TRMO: variants seen among roughly 807,000 people sequenced by gnomAD.
TRMO encodes the protein tRNA methyltransferase O, also known as tRNA (adenine(37)-N6)-methyltransferase.
In TRMO, 30 loss-of-function variants were observed where a neutral mutation model predicts 37.2. The ratio of observed to expected loss-of-function variants is 0.81; its 90% CI spans 0.60 to 1.09. The LOEUF (loss-of-function observed/expected upper bound fraction) is 1.09. Among genes scored for constraint, TRMO ranks in the 50% least tolerant of loss-of-function variants. The pLI is 0.00. For synonymous variants in TRMO, 239 were observed against 199.4 expected, an observed-to-expected ratio of 1.20 and a Z score of -1.67; for missense variants, 552 against 549.5, an observed-to-expected ratio of 1.00 and a Z score of -0.05.
intron 1 of TRMO, among the ~76,000 whole-genome samples, 153 bp downstream of exon 1, chr9:97,922,265 G>C (rs550386343): frequency 6.6e-6 from 1 of 152,318 alleles, no homozygotes; most frequent in East Asian, 1.9e-4. Context: ...ACATCACGTG[G>C]TCTCCGCAGC....
intron 3 of TRMO, chr9:97,910,930 G>A (rs1826095489): frequency 3.7e-6 from 2 of 540,912 alleles, no homozygotes; most frequent in South Asian, 1.5e-5. Flanking sequence ...CTGCTAGAGC[G>A]CTTTCCCCAC....
At position 97,910,602 on chromosome 9, in the gene TRMO, G is replaced by A. The variant is rs765808100; in HGVS notation, c.424C>T (p.Leu142Phe). Residue 142 changes from leucine (L) to phenylalanine (F), a missense_variant, in exon 4 of 5, where the codon CTT becomes TTT. Coordinates refer to ENST00000375119, the MANE Select transcript of TRMO (RefSeq NM_016481.5). The part of the protein sequence containing the change: ...LEKVEGGAIY[L>F]SGIDMIHGTP... Reference sequence around the variant, plus strand: ...CCATGTATCATGTCAATTCCAGAAAGGTATATAGCTCCACCTATGACATAA... The same window carrying A: ...CCATGTATCATGTCAATTCCAGAAAAGTATATAGCTCCACCTATGACATAA... 1.2e-6 allele frequency: 2 copies of A among 1,613,654 alleles called. No individual in the cohort carries two copies. The highest frequency in any genetic ancestry group is 2.2e-5 in the East Asian group (1 of 44,878).
Position 97,922,429 on chromosome 9 carries a change from G to C in TRMO, c.65C>G (p.Ala22Gly), listed in dbSNP as rs776323798. The change falls in exon 1 of 5, where the codon GCT becomes GGT. Residue 22 changes from alanine to glycine, a missense_variant. Ala to Gly is a moderately conservative substitution (Grantham distance 60). Coordinates refer to ENST00000375119, the MANE Select transcript of TRMO (RefSeq NM_016481.5). The part of the protein sequence containing the change: ...TATPCGCVKP[A>G]LETGNLLTEP... ...GTGTTGGAAGTTACCTGTCTCCAGA[G>C]CCGGCTTAACGCAGCCGCACGGGGT... is the stretch of plus-strand genomic sequence containing the variant. 1 of 1,583,294 alleles carries C rather than the reference G, an allele frequency of 6.3e-7. No homozygotes were observed. Among genetic ancestry groups the C allele is most frequent in the Admixed American group, 1.8e-5 (1 of 54,924 alleles).
At chr9:97,921,735 AATTAAC>A (rs1232261010) in intron 1 of TRMO, among the ~76,000 whole-genome samples, 6 of 152,138 alleles carry the variant, frequency 3.9e-5, no homozygotes, top group Non-Finnish European at 8.8e-5. Context: ...AAAGTGTTAT[AATTAAC>A]ATTAACTGCC....
downstream of TRMO, chr9:97,904,399 C>T (rs1242670522): frequency 1.2e-6 from 1 of 840,774 alleles, no homozygotes; most frequent in Non-Finnish European, 1.5e-6. Flanking sequence ...AATAGATCCC[C>T]TCAACTAGAA....
At chr9:97,908,497 G>A (rs1418392853) in intron 4 of TRMO, among the ~76,000 whole-genome samples, 2 of 152,144 alleles carry the variant, frequency 1.3e-5, no homozygotes, top group Non-Finnish European at 2.9e-5. Flanking sequence ...GCTGAGGTGG[G>A]AGGACTGCTT....
intron 3 of TRMO, chr9:97,912,979 C>A (rs1826191408): frequency 7.8e-7 from 1 of 1,280,086 alleles, no homozygotes; most frequent in Non-Finnish European, 1.0e-6. Flanking sequence ...CCCAAGGCTG[C>A]AAGGAAGGAA....
At chr9:97,913,689 C>T (rs543677545) in intron 2 of TRMO, 131 bp from the exon 3 acceptor site, 99 of 635,816 alleles carry the variant, frequency 1.6e-4, no homozygotes, top group African/African-American at 1.6e-3. Flanking sequence ...ATAGTATTAA[C>T]TTGTCATCTG....
At chr9:97,913,595 A>G (rs766813579) in intron 2 of TRMO, 37 bp from the exon 3 acceptor site, 41 of 1,381,334 alleles carry the variant, frequency 3.0e-5, no homozygotes, top group Non-Finnish European at 4.0e-5. Context: ...ACGGAATAAG[A>G]AAAGAGCACA....
chr9:97,909,875 C>T lies in TRMO; in HGVS notation c.1066+85G>A, dbSNP rs186478738. The stretch of plus-strand genomic sequence containing the variant: ...ACCAGTCATACTGACAAACACTCCA[C>T]ATACCTGCCTTCACAAATACCAAAC... On this transcript the variant is annotated intron_variant, in intron 4 of 4. Coordinates refer to ENST00000375119, the MANE Select transcript of TRMO (RefSeq NM_016481.5). 6.0e-6 allele frequency: 6 copies of T among 1,002,984 alleles called. No homozygotes were observed. In the Admixed American group the frequency reaches 1.2e-4, roughly 20 times the overall value. The allele number at this position is 1,002,984 out of a possible 1,614,324, so 62.1% of individuals were successfully genotyped here.
At chr9:97,900,829 A>ATTTTC (rs1831152664), downstream of TRMO, 1 of 537,734 alleles carries the variant, frequency 1.9e-6, no homozygotes, top group African/African-American at 2.1e-5. Context: ...CGTCAACTTC[A>ATTTTC]TTTTCTTCTC....
intron 1 of TRMO, among the ~76,000 whole-genome samples, chr9:97,921,322 A>G (rs930421743): frequency 6.6e-6 from 1 of 152,204 alleles, no homozygotes; most frequent in Non-Finnish European, 1.5e-5. Context: ...TTGGGAGGCT[A>G]AGGCAGGTGG....
chr9:97,898,803 C>G, the TRMO span, among the ~76,000 whole-genome samples: 2 of 146,368 alleles, frequency 1.4e-5, no homozygotes, highest in Non-Finnish European at 3.0e-5. Flanking sequence ...TAACCTCACA[C>G]CATGATTATA....
chr9:97,909,763 A>T (rs1826022971), intron 4 of TRMO, among the ~76,000 whole-genome samples, 197 bp downstream of exon 4: 1 of 152,200 alleles, frequency 6.6e-6, no homozygotes, highest in Admixed American at 6.5e-5. Flanking sequence ...ACAGCCTGGA[A>T]CTAACTGTGC....
chr9:97,904,498 G>C lies in TRMO; in HGVS notation c.*235C>G. On this transcript the variant is annotated 3_prime_UTR_variant, in exon 5 of 5. Coordinates refer to ENST00000375119, the MANE Select transcript of TRMO (RefSeq NM_016481.5). ...AATTATCGAGACAGCATCACCTTTTGATTCTTTAATATCAACAGATCAAAA... is the reference window on the plus strand; with the variant it reads ...AATTATCGAGACAGCATCACCTTTTCATTCTTTAATATCAACAGATCAAAA... The C allele has an allele frequency of 1.5e-6, 2 of 1,318,700 alleles. No individual in the cohort carries two copies. The highest frequency in any genetic ancestry group is 1.9e-6 in the Non-Finnish European group (2 of 1,035,596). The allele number at this position is 1,318,700 out of a possible 1,614,324, so 81.7% of individuals were successfully genotyped here.
At position 97,916,291 on chromosome 9, in the gene TRMO, C is replaced by T; in HGVS notation, c.124G>A (p.Ala42Thr). The T allele has an allele frequency of 6.2e-7, 1 of 1,613,010 alleles. No individual in the cohort carries two copies. Among genetic ancestry groups the T allele is most frequent in the Non-Finnish European group, 8.5e-7 (1 of 1,179,548 alleles). The change falls in exon 2 of 5, where the codon GCC (alanine) becomes ACC (threonine). Residue 42 changes from alanine to threonine, a missense_variant. By Grantham distance (58) the Ala-to-Thr change is moderately conservative. Transcript: ENST00000375119. ...GGCTGTCTTGGAGTACCATTCTTGG[C>T]CGAGAAACAAGATTCCAAGTAGCCG... is the stretch of plus-strand genomic sequence containing the variant. ...PVGYLESCFS[A>T]KNGTPRQPSI...
chr9:97,901,571 C>T (rs556888639), downstream of TRMO, among the ~76,000 whole-genome samples: 6 of 151,996 alleles, frequency 3.9e-5, no homozygotes, highest in South Asian at 6.2e-4. Flanking sequence ...TGTGTACATG[C>T]GTGTGTGTAC....
rs143014706 is a variant in TRMO at position 97,918,861 on chromosome 9, C to T, written c.77-2523G>A. ...ACCCTTCTTTTCCCTCTGAGATAAACAGAAGCCTGAATTTGATCTTTATCA... is the reference window on the plus strand; with the variant it reads ...ACCCTTCTTTTCCCTCTGAGATAAATAGAAGCCTGAATTTGATCTTTATCA... On this transcript the variant is annotated intron_variant, in intron 1 of 4. Transcript: ENST00000375119. 6.6e-5 allele frequency among the ~76,000 whole-genome samples: 10 copies of T among 152,296 alleles called. No homozygotes were observed. In the East Asian group the frequency reaches 1.9e-3, roughly 29 times the overall value.
At chr9:97,912,134 TG>T (rs1826153350) in intron 3 of TRMO, 1 of 152,244 alleles carries the variant, frequency 6.6e-6, no homozygotes, top group Non-Finnish European at 1.5e-5. Context: ...ATTGCTACTT[TG>T]TCAAACCCAC....
Sources: allele counts gnomAD v4.1 joint callset (sites outside exome capture counted in the v4.1 genomes callset), GRCh38; gene constraint gnomAD v4.1.1; transcripts MANE v1.5; gene names NCBI Gene and HGNC (gene_info 2026-07-23, HGNC 2026-07-21).